TMX3: variants seen among roughly 807,000 people sequenced by gnomAD.
The protein encoded by TMX3 is thioredoxin related transmembrane protein 3.
In TMX3, 40 loss-of-function variants were observed where a neutral mutation model predicts 64.4. That is an observed-to-expected ratio of 0.62 (90% confidence interval 0.48 to 0.81). The LOEUF (loss-of-function observed/expected upper bound fraction) is 0.81. Among genes scored for constraint, TMX3 ranks in the 30% least tolerant of loss-of-function variants. The pLI is 0.00. For synonymous variants in TMX3, 189 were observed against 175.7 expected (o/e 1.08, Z -0.60); for missense variants, 497 against 534.5 (o/e 0.93, Z 0.69).
At chr18:68,684,955 T>C (rs1460238744) in intron 10 of TMX3, among the ~76,000 whole-genome samples, 1 of 152,206 alleles carries the variant, frequency 6.6e-6, no homozygotes, top group African/African-American at 2.4e-5. Flanking sequence ...TTGACTTTGG[T>C]ACCATGGTTC....
At chr18:68,678,712 T>C (rs1358950669) in intron 15 of TMX3, among the ~76,000 whole-genome samples, 1 of 151,964 alleles carries the variant, frequency 6.6e-6, no homozygotes, top group African/African-American at 2.4e-5. Context: ...GAAATATATT[T>C]AGAAAGTATA....
At chr18:68,701,276 A>G (rs1418691146) in intron 5 of TMX3, among the ~76,000 whole-genome samples, 1 of 152,120 alleles carries the variant, frequency 6.6e-6, no homozygotes, top group South Asian at 2.1e-4. Flanking sequence ...AGCTCCCCAC[A>G]TTACCAAAAT....
chr18:68,708,034 T>A (rs766949635), intron 4 of TMX3, among the ~76,000 whole-genome samples: 1 of 134,546 alleles, frequency 7.4e-6, no homozygotes, highest in Non-Finnish European at 1.5e-5. Flanking sequence ...TGTGTATATG[T>A]GTATATATGT....
intron 4 of TMX3, among the ~76,000 whole-genome samples, chr18:68,703,786 C>T (rs1008004437): frequency 4.0e-5 from 6 of 151,866 alleles, no homozygotes; most frequent in Non-Finnish European, 5.9e-5. Context: ...AAAAATTAGT[C>T]GCGCGCGGTG....
At chr18:68,704,950 C>T (rs1295775698) in intron 4 of TMX3, among the ~76,000 whole-genome samples, 5 of 152,180 alleles carry the variant, frequency 3.3e-5, no homozygotes, top group South Asian at 2.1e-4. Context: ...TGGGAAAGGG[C>T]GAAAGGAGTC....
chr18:68,695,382 T>G (rs1259691423), intron 8 of TMX3, among the ~76,000 whole-genome samples: 1 of 152,238 alleles, frequency 6.6e-6, no homozygotes, highest in African/African-American at 2.4e-5. Context: ...TTCCCATGTC[T>G]GGGAAGGTTC....
intron 7 of TMX3, 77 bp downstream of exon 7, chr18:68,697,855 G>T: frequency 1.1e-6 from 1 of 884,422 alleles, no homozygotes; most frequent in African/African-American, 1.7e-5. Flanking sequence ...TAAGTTCTGC[G>T]TTTCTAGTGA....
intron 8 of TMX3, among the ~76,000 whole-genome samples, chr18:68,696,660 A>T (rs1915104189): frequency 6.6e-6 from 1 of 151,392 alleles, no homozygotes; most frequent in Non-Finnish European, 1.5e-5. Context: ...TATTTTTAGT[A>T]GAGATAGGAT....
intron 4 of TMX3, 31 bp from the exon 5 acceptor site, chr18:68,701,821 AT>A (rs747878649): frequency 9.4e-6 from 15 of 1,592,512 alleles, no homozygotes; most frequent in Admixed American, 5.3e-5. Context: ...AGCATTCTAA[AT>A]TTTTTTTAAA....
At chr18:68,714,740 C>G (rs1272192676) in intron 1 of TMX3, among the ~76,000 whole-genome samples, 196 bp downstream of exon 1, 1 of 152,220 alleles carries the variant, frequency 6.6e-6, no homozygotes, top group Non-Finnish European at 1.5e-5. Context: ...ACAGCGGCGG[C>G]GGAAGGACCC....
rs187693408 is a variant in TMX3, at chr18:68,691,167, C to A, written c.637+128G>T. On this transcript the variant is annotated intron_variant, in intron 9 of 15. Coordinates refer to ENST00000299608, the MANE Select transcript of TMX3 (RefSeq NM_019022.5). ...GTGAAAAAAAACCCAAAACATCAGGCATTCAAGTCATGAGAACTGTTATTC... is the reference window on the plus strand; with the variant it reads ...GTGAAAAAAAACCCAAAACATCAGGAATTCAAGTCATGAGAACTGTTATTC... 1.4e-5 allele frequency: 7 copies of A among 512,774 alleles called. No homozygotes were observed. The Admixed American group carries it at 1.7e-4, about 12-fold the overall frequency. 31.8% of individuals were successfully genotyped at this position (512,774 alleles called of 1,614,324 possible). A position where few individuals can be genotyped will look rare whatever the true frequency, so the allele number is the denominator to read the frequency against.
intron 9 of TMX3, chr18:68,690,104 T>TA (rs1272300167): frequency 1.3e-5 from 2 of 152,218 alleles, no homozygotes; most frequent in African/African-American, 4.8e-5. Context: ...TGTTCCTTTT[T>TA]ATTGAAAAGT....
At chr18:68,704,054 T>C (rs377136) in intron 4 of TMX3, among the ~76,000 whole-genome samples, 6 of 152,146 alleles carry the variant, frequency 3.9e-5, no homozygotes, top group African/African-American at 1.4e-4. Context: ...GATGTTTTTG[T>C]TTACTTCTCT....
At chr18:68,678,725 T>C (rs1568177843) in intron 15 of TMX3, among the ~76,000 whole-genome samples, 1 of 151,970 alleles carries the variant, frequency 6.6e-6, no homozygotes, top group South Asian at 2.1e-4. Flanking sequence ...AAAGTATAAT[T>C]ATAAAAACAA....
intron 7 of TMX3, 110 bp from the exon 8 acceptor site, chr18:68,697,413 G>T: frequency 3.8e-6 from 2 of 523,972 alleles, no homozygotes; most frequent in Non-Finnish European, 6.7e-6. Flanking sequence ...TCACCTTAAT[G>T]TGCTACCTTA....
At chr18:68,693,388 C>A (rs1489215123) in intron 8 of TMX3, among the ~76,000 whole-genome samples, 1 of 152,100 alleles carries the variant, frequency 6.6e-6, no homozygotes, top group Non-Finnish European at 1.5e-5. Flanking sequence ...TGGTTCTGGA[C>A]CCTGGCATCC....
At position 68,687,888 on chromosome 18, in the gene TMX3, T is replaced by C. The variant is rs867029481; in HGVS notation, c.638-123A>G. 6.6e-6 allele frequency: 4 copies of C among 607,762 alleles called. No individual in the cohort carries two copies. The South Asian group carries it at 1.2e-4, about 18-fold the overall frequency. The allele number at this position is 607,762 out of a possible 1,614,324, so 37.6% of individuals were successfully genotyped here. Reference sequence around the variant, plus strand: ...GAATCATACTTCCATAAATATTGTTTTTAGGAATTTATTGCAAGCATACAA... The same window carrying C: ...GAATCATACTTCCATAAATATTGTTCTTAGGAATTTATTGCAAGCATACAA... On this transcript the variant is annotated intron_variant, in intron 9 of 15. Transcript: ENST00000299608.
intron 15 of TMX3, among the ~76,000 whole-genome samples, chr18:68,678,302 T>C (rs940694857): frequency 6.6e-6 from 1 of 152,128 alleles, no homozygotes; most frequent in East Asian, 1.9e-4. Context: ...AAAATGCCCA[T>C]GTAAGAGCTC....
intron 9 of TMX3, chr18:68,691,061 ATAATT>A: frequency 5.2e-6 from 2 of 384,956 alleles, no homozygotes; most frequent in South Asian, 1.3e-4. Context: ...AAAAACGCAT[ATAATT>A]TAACAAACAA....
Sources: gnomAD v4.1 joint callset for allele counts (sites outside exome capture counted in the v4.1 genomes callset) on GRCh38, gnomAD v4.1.1 for gene constraint, MANE v1.5 for transcripts, NCBI Gene and HGNC (gene_info 2026-07-23, HGNC 2026-07-21) for gene names.